Variants in FAM184A observed in about 807,000 individuals in gnomAD.
The protein encoded by FAM184A is family with sequence similarity 184 member A.
FAM184A carries 99 observed loss-of-function variants against 143.8 expected under a neutral mutation model. The ratio of observed to expected loss-of-function variants is 0.69; its 90% CI spans 0.58 to 0.81. The LOEUF (loss-of-function observed/expected upper bound fraction) is 0.81, where lower values mean the gene tolerates loss of function less well. Among genes scored for constraint, FAM184A ranks in the 40% least tolerant of loss-of-function variants. The pLI is 0.00. For synonymous variants in FAM184A, 427 were observed against 446.4 expected, an observed-to-expected ratio of 0.96 and a Z score of 0.55; for missense variants, 1,217 against 1,310.5, an observed-to-expected ratio of 0.93 and a Z score of 1.10.
At chr6:119,077,336 A>G (rs1562140636) in intron 1 of FAM184A, among the ~76,000 whole-genome samples, 1 of 152,186 alleles carries the variant, frequency 6.6e-6, no homozygotes. Context: ...ACTTTCAGAC[A>G]CCACAAATCA....
chr6:119,114,530 A>ATT (rs1215312470), intron 1 of FAM184A, among the ~76,000 whole-genome samples: 1 of 151,888 alleles, frequency 6.6e-6, no homozygotes, highest in African/African-American at 2.4e-5. Context: ...TCTGTTATTT[A>ATT]TTTTTTATTT....
chr6:119,019,567 T>C (rs1422318412), intron 4 of FAM184A, among the ~76,000 whole-genome samples: 2 of 152,234 alleles, frequency 1.3e-5, no homozygotes, highest in Non-Finnish European at 2.9e-5. Context: ...AACTAGAAAT[T>C]CAATTATCTT....
At chr6:119,108,803 G>A (rs994363658) in intron 1 of FAM184A, among the ~76,000 whole-genome samples, 2 of 152,152 alleles carry the variant, frequency 1.3e-5, no homozygotes, top group African/African-American at 4.8e-5. Flanking sequence ...AACCATTAAA[G>A]CTTTGAGTGG....
At chr6:118,988,898 T>C (rs1421155764) in intron 9 of FAM184A, among the ~76,000 whole-genome samples, 2 of 151,946 alleles carry the variant, frequency 1.3e-5, no homozygotes, top group Non-Finnish European at 2.9e-5. Flanking sequence ...ATTTTAAATT[T>C]ATATTGCTAA....
intron 5 of FAM184A, among the ~76,000 whole-genome samples, chr6:119,015,509 C>T (rs2114669492): frequency 6.6e-6 from 1 of 152,312 alleles, no homozygotes; most frequent in Non-Finnish European, 1.5e-5. Flanking sequence ...CCCAGCAGTG[C>T]CAGCCCACCG....
chr6:119,128,101 CATT>C (rs1268215600), intron 1 of FAM184A, among the ~76,000 whole-genome samples: 85 of 152,114 alleles, frequency 5.6e-4, no homozygotes, highest in African/African-American at 2.0e-3. Context: ...AACTGACTAC[CATT>C]AACATTAAAA....
chr6:119,012,920 A>G (rs1785131332), intron 5 of FAM184A, among the ~76,000 whole-genome samples: 1 of 152,204 alleles, frequency 6.6e-6, no homozygotes, highest in Admixed American at 6.5e-5. Flanking sequence ...AGTTATGGAC[A>G]GTACAATCCT....
intron 1 of FAM184A, among the ~76,000 whole-genome samples, chr6:119,091,369 C>T (rs981644767): frequency 6.6e-6 from 1 of 152,134 alleles, no homozygotes; most frequent in African/African-American, 2.4e-5. Context: ...GGCATTGGCT[C>T]AATGCGTATA....
chr6:119,105,034 C>T (rs1327495336), intron 1 of FAM184A, among the ~76,000 whole-genome samples: 1 of 152,000 alleles, frequency 6.6e-6, no homozygotes, highest in Non-Finnish European at 1.5e-5. Flanking sequence ...CTGTTGAGGC[C>T]ATCAAAGCCA....
At chr6:118,992,661 T>C (rs1784414797) in intron 9 of FAM184A, among the ~76,000 whole-genome samples, 1 of 152,166 alleles carries the variant, frequency 6.6e-6, no homozygotes, top group African/African-American at 2.4e-5. Context: ...GCAGGCACAG[T>C]GGCTCATGTA....
At chr6:119,022,877 C>T in intron 3 of FAM184A, 68 bp downstream of exon 3, 2 of 1,593,142 alleles carry the variant, frequency 1.3e-6, no homozygotes, top group Admixed American at 3.4e-5. Context: ...ACTCTGTCTC[C>T]AAAAAAATAA....
chr6:119,051,323 C>T (rs1786756161), intron 1 of FAM184A, among the ~76,000 whole-genome samples: 2 of 151,942 alleles, frequency 1.3e-5, no homozygotes, highest in Admixed American at 1.3e-4. Flanking sequence ...TTTGTGGGAT[C>T]TAAAAATCAA....
chr6:118,961,722 AAAAAG>A (rs1467594589), intron 17 of FAM184A, 34 bp downstream of exon 17: 10 of 1,544,580 alleles, frequency 6.5e-6, no homozygotes, highest in South Asian at 3.5e-5. Context: ...TCTCAAGTTA[AAAAAG>A]AAAAGAAAAA....
intron 11 of FAM184A, among the ~76,000 whole-genome samples, chr6:118,976,790 T>C (rs995470843): frequency 3.9e-5 from 6 of 152,158 alleles, no homozygotes; most frequent in Non-Finnish European, 7.3e-5. Context: ...GTCAATGTTC[T>C]CATGATATTG....
intron 1 of FAM184A, among the ~76,000 whole-genome samples, chr6:119,077,486 G>C (rs1334884712): frequency 6.6e-6 from 1 of 152,102 alleles, no homozygotes; most frequent in East Asian, 1.9e-4. Context: ...ACTAATTTAG[G>C]TACAGTCCTA....
intron 5 of FAM184A, among the ~76,000 whole-genome samples, chr6:119,012,271 T>A (rs879867276): frequency 4.6e-5 from 7 of 152,084 alleles, no homozygotes; most frequent in Non-Finnish European, 1.0e-4. Context: ...AGAAGAAGAA[T>A]CAATAGGGTT....
intron 16 of FAM184A, 75 bp downstream of exon 16, chr6:118,964,592 G>C (rs1203973979): frequency 2.7e-6 from 2 of 735,794 alleles, no homozygotes; most frequent in African/African-American, 3.5e-5. Context: ...TAACTATGCT[G>C]CTCCAAATAT....
chr6:119,047,091 C>A (rs1296228502), intron 1 of FAM184A, among the ~76,000 whole-genome samples: 3 of 152,008 alleles, frequency 2.0e-5, no homozygotes, highest in African/African-American at 4.8e-5. Flanking sequence ...CATTTCTCAA[C>A]AGAAGACATA....
At chr6:119,113,002 T>G (rs1162908298) in intron 1 of FAM184A, among the ~76,000 whole-genome samples, 1 of 152,100 alleles carries the variant, frequency 6.6e-6, no homozygotes, top group Non-Finnish European at 1.5e-5. Flanking sequence ...AAGGTTTTAC[T>G]TCCTGTCTCT....
Sources: gnomAD v4.1 joint callset for allele counts (sites outside exome capture counted in the v4.1 genomes callset) on GRCh38, gnomAD v4.1.1 for gene constraint, MANE v1.5 for transcripts, NCBI Gene and HGNC (gene_info 2026-07-23, HGNC 2026-07-21) for gene names.